The following NDRG2 variants were observed in gnomAD, a reference collection of about 807,000 sequenced individuals.
NDRG2 encodes NDRG family member 2.
Under a neutral mutation model 58.2 loss-of-function variants are expected in NDRG2, and 34 were observed. The ratio of observed to expected loss-of-function variants is 0.58; its 90% confidence interval spans 0.44 to 0.78. The LOEUF is 0.78. Ranked by LOEUF, NDRG2 falls within the 30% of genes least tolerant of loss-of-function variation. NDRG2 has a pLI of 0.00. For missense variants in NDRG2, 434 were observed against 471.2 expected (o/e 0.92, Z 0.73); for synonymous variants, 187 against 175.9 (o/e 1.06, Z -0.50).
chr14:21,035,798 C>T (rs1364523833), intron 1 of NDRG2: 1 of 456,146 alleles, frequency 2.2e-6, no homozygotes, highest in Non-Finnish European at 4.4e-6. Context: ...ACTCAGTTTC[C>T]CTGGTTACCT....
chr14:21,039,614 T>C (rs941302885), intron 1 of NDRG2, among the ~76,000 whole-genome samples: 1 of 152,182 alleles, frequency 6.6e-6, no homozygotes, highest in African/African-American at 2.4e-5. Flanking sequence ...GTGAAGCAGA[T>C]CTTGGAAGCT....
intron 1 of NDRG2, among the ~76,000 whole-genome samples, chr14:21,057,495 C>G (rs1222125423): frequency 6.6e-6 from 1 of 151,536 alleles, no homozygotes; most frequent in African/African-American, 2.4e-5. Context: ...GAAAAGATAC[C>G]TGGGAGTGTG....
upstream of NDRG2, among the ~76,000 whole-genome samples, chr14:21,029,571 T>A (rs1214434587): frequency 6.6e-6 from 1 of 152,176 alleles, no homozygotes; most frequent in East Asian, 1.9e-4. Flanking sequence ...CATTTCAGCC[T>A]GGGCAACAGA....
At chr14:21,038,600 GA>G (rs773424224) in intron 1 of NDRG2, among the ~76,000 whole-genome samples, 11 of 152,150 alleles carry the variant, frequency 7.2e-5, no homozygotes, top group African/African-American at 1.4e-4. Context: ...AAAATGGGGG[GA>G]AACCGGTCTG....
chr14:21,025,233 C>T, upstream of NDRG2: 3 of 851,676 alleles, frequency 3.5e-6, no homozygotes, highest in Non-Finnish European at 4.2e-6. This position sits in a 1 kb window ranked among gnomAD's most constrained non-coding sequence, Gnocchi z 5.1. Context: ...GTGCTGGGGC[C>T]GGGGGGCGAG....
At position 21,056,316 on chromosome 14, in the gene NDRG2, C is replaced by T. The variant is rs114566345; in HGVS notation, c.24+14512G>A. Reference sequence around the variant, plus strand: ...TACCACCCCTATTATTTTAATAATACGCTAAATATATATTTACTCATTTAT... The same window carrying T: ...TACCACCCCTATTATTTTAATAATATGCTAAATATATATTTACTCATTTAT... On this transcript the variant is annotated intron_variant, in intron 1 of 14. Transcript: ENST00000403829. 9.7e-3 allele frequency among the ~76,000 whole-genome samples: 1,482 copies of T among 152,162 alleles called. 25 individuals carry two copies. The highest frequency in any genetic ancestry group is 0.034 in the African/African-American group (1,400 of 41,518).
chr14:21,061,262 CCATT>C (rs1885944488), intron 1 of NDRG2, among the ~76,000 whole-genome samples: 1 of 152,184 alleles, frequency 6.6e-6, no homozygotes, highest in Non-Finnish European at 1.5e-5. Flanking sequence ...AGAAGTTCAA[CCATT>C]CAATATCTGT....
At chr14:21,052,247 C>T (rs1241996640) in intron 1 of NDRG2, among the ~76,000 whole-genome samples, 2 of 152,196 alleles carry the variant, frequency 1.3e-5, no homozygotes, top group South Asian at 2.1e-4. Context: ...CAGAGAAGCA[C>T]GGAAGGACCT....
rs201869675 is a variant in NDRG2, at chr14:21,038,046, T to TA, written c.25-14726dup. ...TCCAATTCAAGTTGCTCAAACAATATACTGTGTCATGGACAGTTCCTGGGC... is the reference window on the plus strand; with the variant it reads ...TCCAATTCAAGTTGCTCAAACAATATAACTGTGTCATGGACAGTTCCTGGGC... On this transcript the variant is annotated intron_variant, in intron 1 of 14. Coordinates refer to the NDRG2 transcript ENST00000403829. 6.8e-3 allele frequency among the ~76,000 whole-genome samples: 1,035 copies of TA among 152,348 alleles called. 8 individuals are homozygous for TA. Among genetic ancestry groups the TA allele is most frequent in the Non-Finnish European group, 0.01 (686 of 68,040 alleles).
intron 1 of NDRG2, among the ~76,000 whole-genome samples, chr14:21,064,330 CT>C (rs891565818): frequency 3.3e-5 from 5 of 151,588 alleles, no homozygotes; most frequent in African/African-American, 9.7e-5. Context: ...GAGACAGAGT[CT>C]CTCTCTGTTG....
chr14:21,033,747 T>A, intron 1 of NDRG2: 1 of 1,062,196 alleles, frequency 9.4e-7, no homozygotes, highest in Non-Finnish European at 1.5e-6. Flanking sequence ...GAAGTCTTGT[T>A]ACAGGGATCA....
upstream of NDRG2, chr14:21,030,669 T>C (rs1884021761): frequency 6.2e-7 from 1 of 1,614,106 alleles, no homozygotes; most frequent in Non-Finnish European, 8.5e-7. Context: ...CAACAAGAAC[T>C]TCTCCAAGCT....
At chr14:21,038,081 A>G (rs1437675316) in intron 1 of NDRG2, among the ~76,000 whole-genome samples, 3 of 152,144 alleles carry the variant, frequency 2.0e-5, no homozygotes, top group Non-Finnish European at 4.4e-5. Flanking sequence ...CTGTCCTTGA[A>G]CCTGAAGGAT....
intron 1 of NDRG2, among the ~76,000 whole-genome samples, chr14:21,047,375 C>T (rs1885234099): frequency 6.6e-6 from 1 of 152,112 alleles, no homozygotes; most frequent in African/African-American, 2.4e-5. Context: ...ATGGCCTGGC[C>T]TATTCTTATT....
intron 1 of NDRG2, 103 bp from the exon 2 acceptor site, chr14:21,023,424 G>A (rs1273719991): frequency 1.9e-6 from 2 of 1,049,048 alleles, no homozygotes; most frequent in Admixed American, 4.1e-5. Flanking sequence ...AGGGAACAGA[G>A]GGACCCAGGG....
intron 2 of NDRG2, 94 bp downstream of exon 2, chr14:21,023,147 T>C (rs948792201): frequency 3.6e-6 from 4 of 1,097,808 alleles, no homozygotes; most frequent in Non-Finnish European, 5.5e-6. Context: ...TGGTGTGAGT[T>C]AGAATAAGAT....
chr14:21,045,138 C>G (rs1885088428), intron 1 of NDRG2, among the ~76,000 whole-genome samples: 1 of 152,154 alleles, frequency 6.6e-6, no homozygotes, highest in Non-Finnish European at 1.5e-5. Context: ...GCAAATACCC[C>G]CACTAAGGTC....
Position 21,020,573 on chromosome 14 carries a change from G to A in NDRG2, c.478C>T (p.Pro160Ser), listed in dbSNP as rs1335247968. ...AGGACAAGACCTTCAACAGTGTCCG[G>A]GTGGTTAAGCTGAGGGACAGCAGAA... ...YILARYALNH[P>S]DTVEGLVLIN... Residue 160 changes from proline (P) to serine (S), a missense_variant, in exon 8 of 16, where the codon CCG becomes TCG. Pro to Ser is a moderately conservative substitution (Grantham distance 74). Coordinates refer to ENST00000556147, the MANE Select transcript of NDRG2 (RefSeq NM_001320329.2). 9 of 1,613,600 alleles carry A rather than the reference G, an allele frequency of 5.6e-6. No homozygotes were observed. The highest frequency in any genetic ancestry group is 2.7e-5 in the African/African-American group (2 of 74,956).
upstream of NDRG2, among the ~76,000 whole-genome samples, chr14:21,028,259 T>G (rs948998598): frequency 4.6e-5 from 7 of 151,924 alleles, no homozygotes; most frequent in African/African-American, 1.7e-4. Flanking sequence ...TTGTTTTGTT[T>G]TGTTTTGTTT....
Sources: allele counts gnomAD v4.1 joint callset (sites outside exome capture counted in the v4.1 genomes callset), GRCh38; gene constraint gnomAD v4.1.1; non-coding constraint Gnocchi (gnomAD v3.1); transcripts MANE v1.5; gene names NCBI Gene and HGNC (gene_info 2026-07-23, HGNC 2026-07-21).